The following OSBPL10 variants were observed in gnomAD, a reference collection of about 807,000 sequenced individuals.
OSBPL10 encodes oxysterol binding protein like 10.
Under a neutral mutation model 81.7 loss-of-function variants are expected in OSBPL10, and 49 were observed. That is an observed-to-expected ratio of 0.60 (90% CI 0.48 to 0.76). The LOEUF (loss-of-function observed/expected upper bound fraction) is 0.76. Ranked by LOEUF, OSBPL10 falls within the 30% of genes least tolerant of loss-of-function variation. The pLI is 0.00. For missense variants in OSBPL10, 923 were observed against 987.8 expected, an observed-to-expected ratio of 0.93 and a Z score of 0.88; for synonymous variants, 419 against 383.6, an observed-to-expected ratio of 1.09 and a Z score of -1.08.
intron 2 of OSBPL10, chr3:31,879,398 T>C: frequency 2.3e-6 from 1 of 426,686 alleles, no homozygotes. Flanking sequence ...ATCTTCGAAG[T>C]CCTAAGGCGC....
At chr3:31,806,506 CT>C (rs1412856280) in intron 4 of OSBPL10, among the ~76,000 whole-genome samples, 2 of 152,206 alleles carry the variant, frequency 1.3e-5, no homozygotes, top group Non-Finnish European at 2.9e-5. Flanking sequence ...GTCATTCCTT[CT>C]TTTGATACAT....
chr3:31,907,017 T>A (rs777056502), intron 1 of OSBPL10: 1 of 152,220 alleles, frequency 6.6e-6, no homozygotes, highest in Admixed American at 6.5e-5. Flanking sequence ...TGCCTCTGAA[T>A]TATTGATGTC....
intron 6 of OSBPL10, among the ~76,000 whole-genome samples, chr3:31,730,750 G>A (rs1696950389): frequency 1.3e-5 from 2 of 152,196 alleles, no homozygotes; most frequent in South Asian, 2.1e-4. Context: ...TACTGTTTCA[G>A]ATGTAGGTTA....
At chr3:31,785,962 G>C (rs1044911399) in intron 4 of OSBPL10, among the ~76,000 whole-genome samples, 5 of 152,162 alleles carry the variant, frequency 3.3e-5, no homozygotes, top group East Asian at 1.9e-4. Context: ...CATCACTGTA[G>C]GTAAAGGCAA....
chr3:31,989,541 G>A, intron 2 of OSBPL10: 1 of 1,614,184 alleles, frequency 6.2e-7, no homozygotes, highest in Non-Finnish European at 8.5e-7. Context: ...TCAAAGATCA[G>A]CTTGGATTAA....
Position 31,727,839 on chromosome 3 carries a change from T to A in OSBPL10, c.1095+5418A>T, listed in dbSNP as rs1354922685. ...TTATGTATCATGGGGATGAAAAATT[T>A]AAAAAAATGATAAAAATGTGTTGAG... On this transcript the variant is annotated intron_variant, in intron 6 of 11. Transcript: ENST00000396556. Among the ~76,000 whole-genome samples the A allele has an allele frequency of 2.0e-5, 3 of 152,090 alleles. No individual in the cohort carries two copies. The East Asian group carries it at 5.8e-4, about 29-fold the overall frequency.
At chr3:31,740,712 C>T (rs1411502575) in intron 5 of OSBPL10, among the ~76,000 whole-genome samples, 2 of 151,354 alleles carry the variant, frequency 1.3e-5, no homozygotes, top group African/African-American at 4.9e-5. Flanking sequence ...GGCTAGACTG[C>T]ACTATGATTG....
chr3:31,815,984 C>A (rs576537511), intron 4 of OSBPL10, among the ~76,000 whole-genome samples: 1 of 152,342 alleles, frequency 6.6e-6, no homozygotes, highest in East Asian at 1.9e-4. Context: ...CACTTAGCTT[C>A]CTTCTGCCTG....
intron 1 of OSBPL10, among the ~76,000 whole-genome samples, chr3:31,962,530 CTA>C (rs1302352131): frequency 1.7e-5 from 2 of 114,716 alleles, no homozygotes; most frequent in African/African-American, 1.2e-4. Context: ...TAATGAAACA[CTA>C]TTTTTTTTTT....
intron 1 of OSBPL10, among the ~76,000 whole-genome samples, chr3:31,978,228 AACTGTGGGC>A (rs1358812514): frequency 1.3e-5 from 2 of 152,152 alleles, no homozygotes; most frequent in Admixed American, 1.3e-4. Flanking sequence ...ATTTGTCATT[AACTGTGGGC>A]ACTTTGAAAA....
At chr3:32,074,971 GGA>G (rs1363035307) in intron 1 of OSBPL10, among the ~76,000 whole-genome samples, 1 of 152,144 alleles carries the variant, frequency 6.6e-6, no homozygotes, top group Non-Finnish European at 1.5e-5. Flanking sequence ...TTTGCAGATG[GGA>G]ATGAACAACT....
upstream of OSBPL10, among the ~76,000 whole-genome samples, chr3:31,983,849 T>C (rs1168528413): frequency 6.6e-6 from 1 of 152,238 alleles, no homozygotes; most frequent in African/African-American, 2.4e-5. Flanking sequence ...TGGCAAAAAG[T>C]ATTTGAAATA....
At chr3:31,751,989 A>C (rs955752720) in intron 4 of OSBPL10, among the ~76,000 whole-genome samples, 1 of 152,206 alleles carries the variant, frequency 6.6e-6, no homozygotes, top group Non-Finnish European at 1.5e-5. Flanking sequence ...CCGAAGAACA[A>C]GTTTTAGCTA....
At position 32,020,752 on chromosome 3, in the gene OSBPL10, G is replaced by A. The variant is rs142268370; in HGVS notation, n.298+25739C>T. Reference sequence around the variant, plus strand: ...AGAAGACCTGGGATTTTATAGAAGCGGGTAAGCAAGAGAGCCACCAGTGAG... The same window carrying A: ...AGAAGACCTGGGATTTTATAGAAGCAGGTAAGCAAGAGAGCCACCAGTGAG... On this transcript the variant is annotated intron_variant and non_coding_transcript_variant, in intron 2 of 3. Coordinates refer to the OSBPL10 transcript ENST00000479173. Among the ~76,000 whole-genome samples, 134 of 152,170 alleles carry A rather than the reference G, an allele frequency of 8.8e-4. 1 individual carries two copies. The highest frequency in any genetic ancestry group is 2.9e-3 in the African/African-American group (121 of 41,526).
intron 7 of OSBPL10, among the ~76,000 whole-genome samples, chr3:31,689,628 T>C (rs1700892094): frequency 6.6e-6 from 1 of 152,138 alleles, no homozygotes; most frequent in African/African-American, 2.4e-5. Flanking sequence ...GGTAATTGAA[T>C]CATGGGGGTG....
intron 4 of OSBPL10, among the ~76,000 whole-genome samples, chr3:31,827,435 G>C (rs909320446): frequency 2.0e-5 from 3 of 152,166 alleles, no homozygotes; most frequent in Non-Finnish European, 2.9e-5. Flanking sequence ...AGGAGATCAA[G>C]ACCAGCCTGG....
intron 2 of OSBPL10, among the ~76,000 whole-genome samples, chr3:32,004,831 G>T (rs1699187915): frequency 6.6e-6 from 1 of 152,138 alleles, no homozygotes; most frequent in African/African-American, 2.4e-5. Context: ...AGGATAGCTA[G>T]AATTTTTACA....
chr3:32,013,834 T>A (rs1464542560), intron 2 of OSBPL10, among the ~76,000 whole-genome samples: 1 of 151,988 alleles, frequency 6.6e-6, no homozygotes, highest in African/African-American at 2.4e-5. Context: ...CAAATAAACT[T>A]GAAAATCTAG....
intron 2 of OSBPL10, 119 bp downstream of exon 2, chr3:31,879,536 T>C: frequency 9.7e-7 from 1 of 1,032,332 alleles, no homozygotes; most frequent in Non-Finnish European, 1.4e-6. Context: ...CACCACAGAG[T>C]CCTCCAAACA....
Sources: allele counts gnomAD v4.1 joint callset (sites outside exome capture counted in the v4.1 genomes callset), GRCh38; gene constraint gnomAD v4.1.1; transcripts MANE v1.5; gene names NCBI Gene and HGNC (gene_info 2026-07-23, HGNC 2026-07-21).